Variants in SLC38A11 observed in about 807,000 individuals in gnomAD.
The protein encoded by SLC38A11 is putative sodium-coupled neutral amino acid transporter 11.
A neutral mutation model predicts 49.4 loss-of-function variants in SLC38A11; 51 were observed. The observed-to-expected ratio is 1.03, with a 90% CI of 0.83 to 1.30. The LOEUF is 1.30. Ranked by LOEUF, SLC38A11 falls within the 50% of genes most tolerant of loss-of-function variation. The probability of loss-of-function intolerance (pLI) is 0.00; values close to 1 mark genes in which losing one functional copy is unlikely to be tolerated. For synonymous variants in SLC38A11, 203 were observed against 192.9 expected, an observed-to-expected ratio of 1.05 and a Z score of -0.43; for missense variants, 574 against 556.2, an observed-to-expected ratio of 1.03 and a Z score of -0.32.
At chr2:164,937,858 C>T (rs1339671623) in intron 6 of SLC38A11, among the ~76,000 whole-genome samples, 1 of 152,046 alleles carries the variant, frequency 6.6e-6, no homozygotes, top group Non-Finnish European at 1.5e-5. Flanking sequence ...TTCCTTCCAA[C>T]ACCACACACA....
chr2:164,926,053 A>G (rs1044942463), intron 7 of SLC38A11, among the ~76,000 whole-genome samples: 12 of 152,054 alleles, frequency 7.9e-5, no homozygotes, highest in African/African-American at 2.9e-4. Context: ...CCTCTTCATT[A>G]CCAGTCTTAT....
intron 11 of SLC38A11, among the ~76,000 whole-genome samples, chr2:164,906,110 A>T (rs1684987428): frequency 6.6e-6 from 1 of 152,168 alleles, no homozygotes; most frequent in Non-Finnish European, 1.5e-5. Flanking sequence ...AACAAAAAAA[A>T]ATTTGTTGGG....
intron 11 of SLC38A11, among the ~76,000 whole-genome samples, chr2:164,906,804 A>G (rs1388910642): frequency 6.6e-6 from 1 of 152,044 alleles, no homozygotes; most frequent in Non-Finnish European, 1.5e-5. Context: ...CTTACTCCCC[A>G]CTTTCCATTT....
rs1684372858 is a variant in SLC38A11 at position 164,896,203 on chromosome 2, T to C, written c.*2234A>G. The stretch of plus-strand genomic sequence containing the variant: ...AATAAATGTGAGTTCCTAAGATTTA[T>C]TAAATTATAATTTGAAAGATGTCGG... On this transcript the variant is annotated 3_prime_UTR_variant, in exon 12 of 12. Coordinates refer to ENST00000685975, the MANE Select transcript of SLC38A11 (RefSeq NM_001351537.2). 6.6e-6 allele frequency: 1 copy of C among 152,194 alleles called. No homozygotes were observed. The highest frequency in any genetic ancestry group is 1.5e-5 in the Non-Finnish European group (1 of 68,022). 9.4% of individuals were successfully genotyped at this position (152,194 alleles called of 1,614,324 possible). A position where few individuals can be genotyped will look rare whatever the true frequency, so the allele number is the denominator to read the frequency against.
At chr2:164,947,768 T>C (rs1022101107) in intron 3 of SLC38A11, among the ~76,000 whole-genome samples, 1 of 152,228 alleles carries the variant, frequency 6.6e-6, no homozygotes. Context: ...TCTATATTCC[T>C]GTGGTTACTA....
chr2:164,954,278 T>C (rs1559137499), intron 2 of SLC38A11, among the ~76,000 whole-genome samples: 1 of 152,182 alleles, frequency 6.6e-6, no homozygotes. Flanking sequence ...ATTCAAATAA[T>C]GATGGACCCT....
intron 11 of SLC38A11, among the ~76,000 whole-genome samples, chr2:164,899,666 T>A (rs1293111423): frequency 6.6e-6 from 1 of 152,124 alleles, no homozygotes; most frequent in African/African-American, 2.4e-5. Context: ...CATACGTTTT[T>A]AAAAAATAAA....
rs566131752 is a variant in SLC38A11, at chr2:164,926,099, T to G, written c.618-10126A>C. On this transcript the variant is annotated intron_variant, in intron 7 of 11. Transcript: ENST00000685975. ...TTTCCACTGGAAAATGGAATCCTTT[T>G]GCCTGGATGCTTGGTTTGCTATAGA... Among the ~76,000 whole-genome samples, 10 of 152,318 alleles carry G rather than the reference T, an allele frequency of 6.6e-5. No homozygotes were observed. In the South Asian group the frequency reaches 2.1e-3, roughly 32 times the overall value.
In SLC38A11 at chr2:164,896,189, G is replaced by A. The variant is rs1684372807; in HGVS notation, c.*2248C>T. Reference sequence around the variant, plus strand: ...AAGTATTCTTGCAAAATAAATGTGAGTTCCTAAGATTTATTAAATTATAAT... The same window carrying A: ...AAGTATTCTTGCAAAATAAATGTGAATTCCTAAGATTTATTAAATTATAAT... On this transcript the variant is annotated 3_prime_UTR_variant, in exon 12 of 12. Transcript: ENST00000685975. 6.6e-6 allele frequency: 1 copy of A among 152,132 alleles called. No individual in the cohort carries two copies. The highest frequency in any genetic ancestry group is 2.4e-5 in the African/African-American group (1 of 41,426). The allele number at this position is 152,132 out of a possible 1,614,324, so 9.4% of individuals were successfully genotyped here. A position where few individuals can be genotyped will look rare whatever the true frequency, so the allele number is the denominator to read the frequency against.
intron 11 of SLC38A11, among the ~76,000 whole-genome samples, chr2:164,900,550 A>C (rs1684586339): frequency 6.6e-6 from 1 of 152,108 alleles, no homozygotes; most frequent in African/African-American, 2.4e-5. Flanking sequence ...CCTGATGATT[A>C]ATGATGTTGA....
chr2:164,951,134 G>C (rs114926756), intron 3 of SLC38A11, among the ~76,000 whole-genome samples: 105 of 152,246 alleles, frequency 6.9e-4, no homozygotes, highest in African/African-American at 2.3e-3. Flanking sequence ...TCACATTATA[G>C]TTTATTTATG....
chr2:164,904,436 C>A (rs1369680715), intron 11 of SLC38A11, among the ~76,000 whole-genome samples: 1 of 152,064 alleles, frequency 6.6e-6, no homozygotes, highest in Non-Finnish European at 1.5e-5. Context: ...AAGCAAGGTT[C>A]TATTTTTTAA....
intron 5 of SLC38A11, among the ~76,000 whole-genome samples, chr2:164,943,469 T>A (rs1438378668): frequency 1.3e-5 from 2 of 152,170 alleles, no homozygotes; most frequent in Admixed American, 6.5e-5. Context: ...CAAATGCACC[T>A]TTCTAAACAA....
intron 7 of SLC38A11, among the ~76,000 whole-genome samples, chr2:164,917,690 T>C (rs1351990714): frequency 2.6e-5 from 4 of 152,196 alleles, no homozygotes; most frequent in Non-Finnish European, 5.9e-5. Flanking sequence ...TTCCCTCTTA[T>C]GGTTTTTGCA....
rs1186168999 is a variant in SLC38A11 at position 164,939,576 on chromosome 2, A to G, written c.431-20T>C. On this transcript the variant is annotated intron_variant, in intron 5 of 11. Coordinates refer to ENST00000685975, the MANE Select transcript of SLC38A11 (RefSeq NM_001351537.2). ...GATCAACTAAAACACAATAAATATT[A>G]TTAAATGTTACAGGTATAAGTAACA... 1 of 1,526,514 alleles carries G rather than the reference A, an allele frequency of 6.6e-7. No homozygotes were observed. Among genetic ancestry groups the G allele is most frequent in the African/African-American group, 1.4e-5 (1 of 73,002 alleles). 94.6% of individuals were successfully genotyped at this position (1,526,514 alleles called of 1,614,324 possible).
chr2:164,913,243 G>A (rs868647462), intron 9 of SLC38A11, among the ~76,000 whole-genome samples: 1 of 151,886 alleles, frequency 6.6e-6, no homozygotes, highest in Non-Finnish European at 1.5e-5. Flanking sequence ...AAAACACAAA[G>A]TAAGGTGGCA....
At chr2:164,913,045 C>A (rs555817220) in intron 9 of SLC38A11, among the ~76,000 whole-genome samples, 1 of 151,842 alleles carries the variant, frequency 6.6e-6, no homozygotes, top group Non-Finnish European at 1.5e-5. Context: ...GATCAATACT[C>A]AATACTACAC....
intron 9 of SLC38A11, among the ~76,000 whole-genome samples, chr2:164,914,193 G>A (rs983351617): frequency 6.6e-6 from 1 of 152,002 alleles, no homozygotes; most frequent in African/African-American, 2.4e-5. Flanking sequence ...GGTAAAACTA[G>A]TTATTCCACT....
chr2:164,921,562 C>A (rs544563726), intron 7 of SLC38A11, among the ~76,000 whole-genome samples: 1 of 151,082 alleles, frequency 6.6e-6, no homozygotes, highest in Non-Finnish European at 1.5e-5. Context: ...AACCACTGGT[C>A]TAAGGGATCC....
Sources: allele counts gnomAD v4.1 joint callset (sites outside exome capture counted in the v4.1 genomes callset), GRCh38; gene constraint gnomAD v4.1.1; transcripts MANE v1.5; gene names NCBI Gene and HGNC (gene_info 2026-07-23, HGNC 2026-07-21).